DYNC1I1: variants seen among roughly 807,000 people sequenced by gnomAD.
DYNC1I1 encodes dynein cytoplasmic 1 intermediate chain 1, also known as cytoplasmic dynein 1 intermediate chain 1.
A neutral mutation model predicts 86.6 loss-of-function variants in DYNC1I1; 43 were observed. The observed-to-expected ratio is 0.50, with a 90% CI of 0.39 to 0.64. The LOEUF (loss-of-function observed/expected upper bound fraction) is 0.64, where lower values mean the gene tolerates loss of function less well. Ranked by LOEUF, DYNC1I1 falls within the 30% of genes least tolerant of loss-of-function variation. The probability of loss-of-function intolerance (pLI) is 0.00; values close to 1 mark genes in which losing one functional copy is unlikely to be tolerated. For synonymous variants in DYNC1I1, 262 were observed against 283.7 expected, an observed-to-expected ratio of 0.92 and a Z score of 0.77; for missense variants, 604 against 788.8, an observed-to-expected ratio of 0.77 and a Z score of 2.81.
intron 14 of DYNC1I1, among the ~76,000 whole-genome samples, chr7:96,074,401 A>G (rs1201274094): frequency 6.6e-6 from 1 of 152,098 alleles, no homozygotes; most frequent in Non-Finnish European, 1.5e-5. Flanking sequence ...TACAAAAAAA[A>G]GTAGTCGGGC....
chr7:95,954,409 C>A (rs1186840462), intron 6 of DYNC1I1, among the ~76,000 whole-genome samples: 1 of 151,808 alleles, frequency 6.6e-6, no homozygotes, highest in Non-Finnish European at 1.5e-5. Context: ...CTGTATTGGA[C>A]AACATGGAGC....
intron 14 of DYNC1I1, among the ~76,000 whole-genome samples, chr7:96,046,567 G>T (rs1789221259): frequency 6.6e-6 from 1 of 152,204 alleles, no homozygotes; most frequent in Non-Finnish European, 1.5e-5. Flanking sequence ...TTCAAATTCA[G>T]ATTTGGGTGA....
intron 1 of DYNC1I1, among the ~76,000 whole-genome samples, chr7:95,799,405 G>A (rs541272178): frequency 4.6e-5 from 7 of 152,092 alleles, no homozygotes; most frequent in African/African-American, 1.7e-4. Flanking sequence ...ACTTAGGACC[G>A]TGAGCCATTT....
intron 6 of DYNC1I1, among the ~76,000 whole-genome samples, chr7:95,871,477 A>G (rs1037885530): frequency 6.6e-6 from 1 of 152,168 alleles, no homozygotes; most frequent in Non-Finnish European, 1.5e-5. Context: ...TCACCACCCA[A>G]CCAAAACATT....
At chr7:95,958,562 TA>T (rs985896957) in intron 6 of DYNC1I1, among the ~76,000 whole-genome samples, 4 of 150,902 alleles carry the variant, frequency 2.7e-5, no homozygotes, top group African/African-American at 4.9e-5. Context: ...CCCAATCTCT[TA>T]AAAAAAAAGA....
chr7:95,802,119 C>T (rs529872403), intron 1 of DYNC1I1, among the ~76,000 whole-genome samples: 1 of 152,204 alleles, frequency 6.6e-6, no homozygotes, highest in South Asian at 2.1e-4. Flanking sequence ...CTTCTCCCCC[C>T]ATCTGTAGTG....
chr7:96,033,950 C>T (rs1425554343), intron 12 of DYNC1I1, among the ~76,000 whole-genome samples: 1 of 152,108 alleles, frequency 6.6e-6, no homozygotes, highest in South Asian at 2.1e-4. Flanking sequence ...TTCGAGGTTG[C>T]AGTGAACTAT....
At chr7:95,884,225 G>A (rs1211046174) in intron 6 of DYNC1I1, among the ~76,000 whole-genome samples, 1 of 152,172 alleles carries the variant, frequency 6.6e-6, no homozygotes, top group East Asian at 1.9e-4. Context: ...GACATGGTTA[G>A]AGAAGAAGTG....
At chr7:95,846,518 A>G (rs1485268401) in intron 5 of DYNC1I1, among the ~76,000 whole-genome samples, 1 of 152,226 alleles carries the variant, frequency 6.6e-6, no homozygotes, top group Admixed American at 6.6e-5. Flanking sequence ...AACATAGAAG[A>G]ATGGAAGCTC....
chr7:95,827,765 A>G (rs868800424), intron 4 of DYNC1I1, among the ~76,000 whole-genome samples: 4 of 152,256 alleles, frequency 2.6e-5, no homozygotes, highest in Middle Eastern at 3.4e-3. Flanking sequence ...AGGCTTCAAT[A>G]CAAAACAAAA....
At chr7:96,016,517 G>T (rs1562972453) in intron 10 of DYNC1I1, among the ~76,000 whole-genome samples, 1 of 152,060 alleles carries the variant, frequency 6.6e-6, no homozygotes, top group South Asian at 2.1e-4. Context: ...AATTCAAAAA[G>T]AAATTGTCCA....
At chr7:95,998,258 A>G (rs1176681093) in intron 10 of DYNC1I1, among the ~76,000 whole-genome samples, 1 of 152,254 alleles carries the variant, frequency 6.6e-6, no homozygotes, top group Non-Finnish European at 1.5e-5. Flanking sequence ...ATTCTATCGC[A>G]TACATCGTGC....
downstream of DYNC1I1, among the ~76,000 whole-genome samples, chr7:96,102,690 T>A (rs1019414441): frequency 6.6e-6 from 1 of 152,212 alleles, no homozygotes; most frequent in Admixed American, 6.5e-5. Flanking sequence ...CTCTGCTGTA[T>A]GGGCCATAAA....
chr7:95,834,579 G>T (rs1163587489), intron 5 of DYNC1I1, among the ~76,000 whole-genome samples: 2 of 136,954 alleles, frequency 1.5e-5, no homozygotes, highest in African/African-American at 5.6e-5. Context: ...TGGTAGAATT[G>T]GGCTGTGAAT....
chr7:95,977,408 C>T, intron 6 of DYNC1I1, 104 bp from the exon 7 acceptor site: 1 of 967,944 alleles, frequency 1.0e-6, no homozygotes, highest in Non-Finnish European at 1.5e-6. Context: ...AGATGTTGCC[C>T]TAAATGATTG....
At chr7:96,069,433 C>T (rs1015362153) in intron 14 of DYNC1I1, among the ~76,000 whole-genome samples, 1 of 152,176 alleles carries the variant, frequency 6.6e-6, no homozygotes, top group African/African-American at 2.4e-5. Flanking sequence ...CTGCCCTCCT[C>T]GACTCAAATA....
At chr7:96,077,729 C>G (rs1258814410) in intron 15 of DYNC1I1, among the ~76,000 whole-genome samples, 1 of 152,150 alleles carries the variant, frequency 6.6e-6, no homozygotes, top group Non-Finnish European at 1.5e-5. Context: ...AAGTGATACC[C>G]AACTACAATG....
At chr7:95,816,198 T>C (rs1794943228) in intron 4 of DYNC1I1, among the ~76,000 whole-genome samples, 1 of 152,092 alleles carries the variant, frequency 6.6e-6, no homozygotes. Flanking sequence ...TTATTTTTAC[T>C]TTTTGTAGAG....
At chr7:95,987,906 G>A (rs1349152025) in intron 9 of DYNC1I1, among the ~76,000 whole-genome samples, 1 of 152,104 alleles carries the variant, frequency 6.6e-6, no homozygotes, top group Non-Finnish European at 1.5e-5. Flanking sequence ...CATCAACATT[G>A]CCAACTTCCT....
Sources: gnomAD v4.1 joint callset for allele counts (sites outside exome capture counted in the v4.1 genomes callset) on GRCh38, gnomAD v4.1.1 for gene constraint, MANE v1.5 for transcripts, NCBI Gene and HGNC (gene_info 2026-07-23, HGNC 2026-07-21) for gene names.